KIF13A: variants seen among roughly 807,000 people sequenced by gnomAD.
The protein encoded by KIF13A is kinesin-like protein KIF13A.
KIF13A carries 79 observed loss-of-function variants against 212.2 expected under a neutral mutation model. The ratio of observed to expected loss-of-function variants is 0.37; its 90% confidence interval spans 0.31 to 0.45. The LOEUF is 0.45. KIF13A is among the 20% of genes least tolerant of loss of function. The pLI is 1.00. For synonymous variants in KIF13A, 789 were observed against 808.6 expected (o/e 0.98, Z 0.41); for missense variants, 1,901 against 2,209.0 (o/e 0.86, Z 2.79).
In KIF13A at chr6:17,849,856, T is replaced by TC. The variant is rs1767455978; in HGVS notation, c.718-368dup. Among the ~76,000 whole-genome samples the TC allele has an allele frequency of 6.6e-6, 1 of 152,218 alleles. No homozygotes were observed. Among genetic ancestry groups the TC allele is most frequent in the Non-Finnish European group, 1.5e-5 (1 of 68,038 alleles). On this transcript the variant is annotated intron_variant, in intron 8 of 38. Coordinates refer to ENST00000259711, the MANE Select transcript of KIF13A (RefSeq NM_022113.6). This position sits in a 1 kb window ranked among gnomAD's most constrained non-coding sequence, Gnocchi z 5.7. ...AAGGTTTAGGCTAAAGGTTGTGGTG[T>TC]CCTCTTTAATATCCCTCAATGGCTA...
chr6:17,870,268 C>A (rs989447235), intron 4 of KIF13A, among the ~76,000 whole-genome samples: 2 of 152,134 alleles, frequency 1.3e-5, no homozygotes, highest in Non-Finnish European at 2.9e-5. Context: ...TCAGGGCTAA[C>A]TGGGACATGG....
intron 3 of KIF13A, chr6:17,881,929 G>C (rs1398729323): frequency 4.5e-6 from 2 of 440,502 alleles, no homozygotes; most frequent in African/African-American, 4.0e-5. Context: ...CCGGGAGACT[G>C]AGGTTGCAGT....
rs557235922 is a variant in KIF13A, at chr6:17,900,229, C to T, written c.147-2049G>A. On this transcript the variant is annotated intron_variant, in intron 2 of 38. Transcript: ENST00000259711. This position sits in a 1 kb window ranked among gnomAD's most constrained non-coding sequence, Gnocchi z 4.6. ...GCTCTCTGGAGTTCTCTTATGTGCC[C>T]TTTATGCCACAGCCACAGCACAATA... is the stretch of plus-strand genomic sequence containing the variant. Among the ~76,000 whole-genome samples the T allele has an allele frequency of 2.0e-4, 31 of 152,292 alleles. No individual in the cohort carries two copies. The highest frequency in any genetic ancestry group is 4.3e-4 in the Non-Finnish European group (29 of 68,022).
At chr6:17,906,453 C>CT (rs71002281) in intron 2 of KIF13A, among the ~76,000 whole-genome samples, 64,586 of 117,546 alleles carry the variant, frequency 0.55, 17,868 homozygotes, top group Non-Finnish European at 0.64. Context: ...TTTCTTTCTT[C>CT]TTTTTTTTTT....
chr6:17,804,999 C>A (rs993376025), intron 19 of KIF13A, among the ~76,000 whole-genome samples: 8 of 151,840 alleles, frequency 5.3e-5, no homozygotes, highest in African/African-American at 1.9e-4. Context: ...TTTGCCAAGT[C>A]TTCTTTTCCA....
rs1760072032 is a variant in KIF13A, at chr6:17,777,259, T to C, written c.4170+18A>G. The C allele has an allele frequency of 6.2e-7, 1 of 1,600,088 alleles. No individual in the cohort carries two copies. The highest frequency in any genetic ancestry group is 8.5e-7 in the Non-Finnish European group (1 of 1,170,490). On this transcript the variant is annotated intron_variant, in intron 34 of 38. Transcript: ENST00000259711. The surrounding 1 kb of genome is among the most constrained non-coding windows in gnomAD (Gnocchi z 4.4). ...CGACATGTCACATAGGAGCAGATCCTTGGCAGGATGCACTTACATTATGAA... is the reference window on the plus strand; with the variant it reads ...CGACATGTCACATAGGAGCAGATCCCTGGCAGGATGCACTTACATTATGAA...
chr6:17,822,906 T>G (rs75860208), intron 16 of KIF13A, among the ~76,000 whole-genome samples: 3,877 of 152,352 alleles, frequency 0.025, 74 homozygotes, highest in Non-Finnish European at 0.04. Flanking sequence ...CTAGCTATGG[T>G]CCACCCTGCA....
chr6:17,768,247 T>A lies in KIF13A; in HGVS notation c.4581+2867A>T, dbSNP rs2150287616. Among the ~76,000 whole-genome samples the A allele has an allele frequency of 6.6e-6, 1 of 152,336 alleles. No individual in the cohort carries two copies. The highest frequency in any genetic ancestry group is 1.9e-4 in the East Asian group (1 of 5,188). Reference sequence around the variant, plus strand: ...TCCTACAATGTCTTAAGGAAAAAGATAATTAAAACCCTATCTGAAGTGGCA... The same window carrying A: ...TCCTACAATGTCTTAAGGAAAAAGAAAATTAAAACCCTATCTGAAGTGGCA... On this transcript the variant is annotated intron_variant, in intron 38 of 38. Coordinates refer to ENST00000259711, the MANE Select transcript of KIF13A (RefSeq NM_022113.6). The surrounding 1 kb of genome is among the most constrained non-coding windows in gnomAD (Gnocchi z 5.4).
intron 16 of KIF13A, among the ~76,000 whole-genome samples, chr6:17,820,415 C>T (rs754443832): frequency 3.3e-5 from 5 of 152,154 alleles, no homozygotes; most frequent in Non-Finnish European, 7.3e-5. Context: ...ACCTTTCTCA[C>T]GGACAACTTT....
At chr6:17,977,026 C>T (rs1015403793) in intron 2 of KIF13A, among the ~76,000 whole-genome samples, 2 of 150,750 alleles carry the variant, frequency 1.3e-5, no homozygotes, top group Non-Finnish European at 2.9e-5. Context: ...GGCGTGAACC[C>T]GGGAAGCAGA....
In KIF13A at chr6:17,799,576, G is replaced by GT; in HGVS notation, c.2617-138dup. On this transcript the variant is annotated intron_variant, in intron 21 of 38. Coordinates refer to ENST00000259711, the MANE Select transcript of KIF13A (RefSeq NM_022113.6). This position sits in a 1 kb window ranked among gnomAD's most constrained non-coding sequence, Gnocchi z 4.4. ...ATGTGAAAATATTATATCTGACACCGTGACACTAAGGGTTGTATCGATAAT... is the reference window on the plus strand; with the variant it reads ...ATGTGAAAATATTATATCTGACACCGTTGACACTAAGGGTTGTATCGATAAT... The GT allele has an allele frequency of 1.5e-6, 1 of 682,392 alleles. No homozygotes were observed. The highest frequency in any genetic ancestry group is 2.2e-5 in the South Asian group (1 of 45,786). 42.3% of individuals were successfully genotyped at this position (682,392 alleles called of 1,614,324 possible).
rs1452016374 is a variant in KIF13A, at chr6:17,915,298, T to C, written c.147-17118A>G. On this transcript the variant is annotated intron_variant, in intron 2 of 38. Coordinates refer to ENST00000259711, the MANE Select transcript of KIF13A (RefSeq NM_022113.6). The surrounding 1 kb of genome is among the most constrained non-coding windows in gnomAD (Gnocchi z 4.4). ...TTCCATTCTTGCCTCCACCACTTTGTAGGGACCTTGGACCTGGTGCTTAAG... is the reference window on the plus strand; with the variant it reads ...TTCCATTCTTGCCTCCACCACTTTGCAGGGACCTTGGACCTGGTGCTTAAG... Among the ~76,000 whole-genome samples the C allele has an allele frequency of 1.3e-5, 2 of 152,196 alleles. No individual in the cohort carries two copies. Among genetic ancestry groups the C allele is most frequent in the African/African-American group, 4.8e-5 (2 of 41,456 alleles).
In KIF13A at chr6:17,987,497, C is replaced by A. The variant is rs748533441; in HGVS notation, c.-34G>T. On this transcript the variant is annotated 5_prime_UTR_variant, in exon 1 of 39. Coordinates refer to ENST00000259711, the MANE Select transcript of KIF13A (RefSeq NM_022113.6). This position sits in a 1 kb window ranked among gnomAD's most constrained non-coding sequence, Gnocchi z 7.7. ...CGCTCGCCCGGCCGCTCGCCGCGCC[C>A]GCTCGGCCTTAGGCGGCCCCTCACG... 4 of 1,232,526 alleles carry A rather than the reference C, an allele frequency of 3.2e-6. No individual in the cohort carries two copies. The African/African-American group carries it at 4.8e-5, about 15-fold the overall frequency. The allele number at this position is 1,232,526 out of a possible 1,614,324, so 76.3% of individuals were successfully genotyped here.
chr6:17,899,649 A>G lies in KIF13A; in HGVS notation c.147-1469T>C, dbSNP rs1279200032. On this transcript the variant is annotated intron_variant, in intron 2 of 38. Transcript: ENST00000259711. This position sits in a 1 kb window ranked among gnomAD's most constrained non-coding sequence, Gnocchi z 5.2. ...AATTCCACGAATTAGTTGAAAGGGA[A>G]TGAGCCCTTATTGCCTTATGTCATT... Among the ~76,000 whole-genome samples, 1 of 152,222 alleles carries G rather than the reference A, an allele frequency of 6.6e-6. No individual in the cohort carries two copies. The highest frequency in any genetic ancestry group is 1.5e-5 in the Non-Finnish European group (1 of 68,044).
chr6:17,825,984 T>C lies in KIF13A; in HGVS notation c.1620-50A>G, dbSNP rs775032507. 5.6e-6 allele frequency: 9 copies of C among 1,610,438 alleles called. No individual in the cohort carries two copies. Among genetic ancestry groups the C allele is most frequent in the South Asian group, 4.4e-5 (4 of 90,904 alleles). ...AAAATCAACTTGTTTTACACTTAAA[T>C]AGATAACAGAAAAAATGTATACGAA... On this transcript the variant is annotated intron_variant, in intron 15 of 38. Transcript: ENST00000259711. The surrounding 1 kb of genome is among the most constrained non-coding windows in gnomAD (Gnocchi z 4.5).
At position 17,826,345 on chromosome 6, in the gene KIF13A, A is replaced by G. The variant is rs1189921935; in HGVS notation, c.1533-221T>C. Among the ~76,000 whole-genome samples the G allele has an allele frequency of 6.6e-6, 1 of 152,224 alleles. No individual in the cohort carries two copies. The highest frequency in any genetic ancestry group is 1.5e-5 in the Non-Finnish European group (1 of 68,042). ...CCTCAGAGAATGACAACCTAACATGATGCACTCCTGATGGAGACAGAAAGC... is the reference window on the plus strand; with the variant it reads ...CCTCAGAGAATGACAACCTAACATGGTGCACTCCTGATGGAGACAGAAAGC... On this transcript the variant is annotated intron_variant, in intron 14 of 38. Coordinates refer to ENST00000259711, the MANE Select transcript of KIF13A (RefSeq NM_022113.6). The surrounding 1 kb of genome is among the most constrained non-coding windows in gnomAD (Gnocchi z 4.7).
Position 17,794,478 on chromosome 6 carries a change from T to C in KIF13A, c.3076-83A>G. On this transcript the variant is annotated intron_variant, in intron 24 of 38. Transcript: ENST00000259711. The surrounding 1 kb of genome is among the most constrained non-coding windows in gnomAD (Gnocchi z 4.1). ...AAAGAAGGGGAAAAGGATTAGAGAA[T>C]AAAGATACAAATAGTTAGAAAATCC... 2 of 1,561,328 alleles carry C rather than the reference T, an allele frequency of 1.3e-6. No homozygotes were observed. The highest frequency in any genetic ancestry group is 1.9e-5 in the Admixed American group (1 of 53,414).
Position 17,897,338 on chromosome 6 carries a change from G to A in KIF13A, c.159+830C>T, listed in dbSNP as rs923045366. On this transcript the variant is annotated intron_variant, in intron 3 of 38. Coordinates refer to ENST00000259711, the MANE Select transcript of KIF13A (RefSeq NM_022113.6). This position sits in a 1 kb window ranked among gnomAD's most constrained non-coding sequence, Gnocchi z 4.8. ...AAAGCCTGTTCTAATCCTATCTCAA[G>A]AACCACAGCTATAATCAGTATCACT... 2.0e-5 allele frequency among the ~76,000 whole-genome samples: 3 copies of A among 152,144 alleles called. No homozygotes were observed. The highest frequency in any genetic ancestry group is 4.4e-5 in the Non-Finnish European group (3 of 68,022).
rs200557419 is a variant in KIF13A at position 17,880,238 on chromosome 6, GA to G, written c.160-6802del. ...CCCAAAGTGCTGGGATTACAGTTAT[GA>G]ACCACCATGGCTGGCCAGAAACCGA... On this transcript the variant is annotated intron_variant, in intron 3 of 38. Coordinates refer to ENST00000259711, the MANE Select transcript of KIF13A (RefSeq NM_022113.6). Among the ~76,000 whole-genome samples, 1,057 of 152,230 alleles carry G rather than the reference GA, an allele frequency of 6.9e-3. 10 individuals carry two copies. Among genetic ancestry groups the G allele is most frequent in the African/African-American group, 0.024 (998 of 41,532 alleles).
Sources: gnomAD v4.1 joint callset for allele counts (sites outside exome capture counted in the v4.1 genomes callset) on GRCh38, gnomAD v4.1.1 for gene constraint, Gnocchi (gnomAD v3.1) non-coding constraint, MANE v1.5 for transcripts, NCBI Gene and HGNC (gene_info 2026-07-23, HGNC 2026-07-21) for gene names.